The following WDR41 variants were observed in gnomAD, a reference collection of about 807,000 sequenced individuals.
WDR41 encodes the protein WD repeat domain 41.
In WDR41, 63 loss-of-function variants were observed where a neutral mutation model predicts 69.3. The observed-to-expected ratio is 0.91, with a 90% CI of 0.74 to 1.12. The LOEUF is 1.12. Ranked by LOEUF, WDR41 falls within the 50% of genes most tolerant of loss-of-function variation. The pLI is 0.00. For synonymous variants in WDR41, 185 were observed against 192.1 expected, an observed-to-expected ratio of 0.96 and a Z score of 0.31; for missense variants, 543 against 534.5, an observed-to-expected ratio of 1.02 and a Z score of -0.16.
intron 1 of WDR41, among the ~76,000 whole-genome samples, chr5:77,524,385 C>T (rs1372081194): frequency 1.3e-5 from 2 of 152,062 alleles, no homozygotes; most frequent in Non-Finnish European, 2.9e-5. Flanking sequence ...GCCAGGAGTT[C>T]AAGACCAGCC....
chr5:77,468,939 T>C (rs567213787), intron 2 of WDR41, among the ~76,000 whole-genome samples: 7 of 152,274 alleles, frequency 4.6e-5, no homozygotes, highest in African/African-American at 1.7e-4. Flanking sequence ...TTGTTCTCCA[T>C]CTTTTTCTTC....
At chr5:77,604,715 T>C (rs929903001) in intron 1 of WDR41, among the ~76,000 whole-genome samples, 1 of 152,240 alleles carries the variant, frequency 6.6e-6, no homozygotes, top group African/African-American at 2.4e-5. Context: ...ATAATTATAA[T>C]AGGAAAAGAC....
At chr5:77,460,043 T>C (rs930327706) in intron 4 of WDR41, among the ~76,000 whole-genome samples, 6 of 152,014 alleles carry the variant, frequency 3.9e-5, no homozygotes, top group Admixed American at 3.9e-4. Flanking sequence ...CACAGTACAC[T>C]GTAGAGTAAG....
At chr5:77,451,599 T>A (rs932694265) in intron 6 of WDR41, 4 of 396,574 alleles carry the variant, frequency 1.0e-5, no homozygotes, top group Non-Finnish European at 1.4e-5. Flanking sequence ...TTTTGTACTT[T>A]TTTTTACTAT....
At chr5:77,444,324 A>T (rs918158212) in intron 8 of WDR41, among the ~76,000 whole-genome samples, 5 of 152,152 alleles carry the variant, frequency 3.3e-5, no homozygotes, top group Admixed American at 2.0e-4. Context: ...TAGTATGAAA[A>T]TCTCACCTGG....
intron 1 of WDR41, 170 bp downstream of exon 1, chr5:77,492,000 T>C: frequency 1.2e-6 from 1 of 827,908 alleles, no homozygotes; most frequent in Non-Finnish European, 1.8e-6. Flanking sequence ...GAGCTCCGGC[T>C]CCCGCGCCCT....
At chr5:77,576,367 T>C (rs1200650768) in intron 1 of WDR41, among the ~76,000 whole-genome samples, 1 of 152,144 alleles carries the variant, frequency 6.6e-6, no homozygotes, top group Non-Finnish European at 1.5e-5. Flanking sequence ...ATTAAGTTCC[T>C]CAAAATATGG....
At chr5:77,454,636 C>T (rs1451736976) in intron 5 of WDR41, among the ~76,000 whole-genome samples, 2 of 152,124 alleles carry the variant, frequency 1.3e-5, no homozygotes, top group Non-Finnish European at 2.9e-5. Flanking sequence ...AGCCCTTTAC[C>T]TTTAATAGTA....
intron 2 of WDR41, among the ~76,000 whole-genome samples, chr5:77,466,375 G>A (rs1295487518): frequency 5.9e-5 from 9 of 151,782 alleles, no homozygotes; most frequent in African/African-American, 2.2e-4. Flanking sequence ...TTATGTTTCT[G>A]GGCCTATTGA....
chr5:77,476,936 G>A (rs1160091348), intron 2 of WDR41, among the ~76,000 whole-genome samples: 9 of 144,274 alleles, frequency 6.2e-5, no homozygotes, highest in East Asian at 4.0e-4. Context: ...TCCATCTCAC[G>A]TGCAGAGACA....
chr5:77,582,198 A>G (rs1743950988), intron 1 of WDR41, among the ~76,000 whole-genome samples: 1 of 152,224 alleles, frequency 6.6e-6, no homozygotes, highest in African/African-American at 2.4e-5. Context: ...ATCAAAGAAT[A>G]TTATGAACAA....
At chr5:77,561,408 T>G (rs1033795013) in intron 1 of WDR41, among the ~76,000 whole-genome samples, 1 of 152,194 alleles carries the variant, frequency 6.6e-6, no homozygotes, top group Non-Finnish European at 1.5e-5. Flanking sequence ...CTCACAAAAT[T>G]CATGAAGTAG....
chr5:77,566,350 G>A (rs571166827), intron 1 of WDR41, among the ~76,000 whole-genome samples: 6 of 152,168 alleles, frequency 3.9e-5, no homozygotes, highest in South Asian at 4.1e-4. Flanking sequence ...CCTGTATGTC[G>A]TTTAGGTCTC....
At chr5:77,576,707 G>C (rs1743840829) in intron 1 of WDR41, among the ~76,000 whole-genome samples, 1 of 151,664 alleles carries the variant, frequency 6.6e-6, no homozygotes, top group Admixed American at 6.6e-5. Context: ...ACTCTTTCTG[G>C]GCAGTTCCAC....
At chr5:77,565,535 A>G (rs1173953100) in intron 1 of WDR41, among the ~76,000 whole-genome samples, 2 of 152,174 alleles carry the variant, frequency 1.3e-5, no homozygotes, top group Non-Finnish European at 2.9e-5. Context: ...CAATGAGAGT[A>G]GAAAGGACTA....
At chr5:77,511,226 A>G (rs1422616246) in intron 1 of WDR41, among the ~76,000 whole-genome samples, 1 of 152,270 alleles carries the variant, frequency 6.6e-6, no homozygotes, top group Middle Eastern at 3.4e-3. Flanking sequence ...AACAAATACA[A>G]CCAGTTCATT....
intron 1 of WDR41, among the ~76,000 whole-genome samples, chr5:77,573,056 A>G (rs1209650942): frequency 1.3e-5 from 2 of 152,192 alleles, no homozygotes; most frequent in East Asian, 1.9e-4. Context: ...ACATGATGCC[A>G]CAGAGCCACA....
chr5:77,579,231 T>C (rs1204023383), intron 1 of WDR41, among the ~76,000 whole-genome samples: 1 of 151,924 alleles, frequency 6.6e-6, no homozygotes, highest in Non-Finnish European at 1.5e-5. Context: ...AAAGAAAAAA[T>C]ATTAGAAGAA....
At position 77,596,681 on chromosome 5, in the gene WDR41, TACA is replaced by T. The variant is rs528323989; in HGVS notation, c.42+23795_42+23797del. On this transcript the variant is annotated intron_variant, in intron 1 of 5. Transcript: ENST00000509971. The stretch of plus-strand genomic sequence containing the variant: ...CTTCTTTTTCTACTGCCAGCAGAAA[TACA>T]ACAACAACTAGCACAGTTTTGTGCC... 2.3e-3 allele frequency among the ~76,000 whole-genome samples: 356 copies of T among 152,204 alleles called. 1 individual carries two copies. Among genetic ancestry groups the T allele is most frequent in the Non-Finnish European group, 3.8e-3 (257 of 67,990 alleles).
Sources: gnomAD v4.1 joint callset for allele counts (sites outside exome capture counted in the v4.1 genomes callset) on GRCh38, gnomAD v4.1.1 for gene constraint, MANE v1.5 for transcripts, NCBI Gene and HGNC (gene_info 2026-07-23, HGNC 2026-07-21) for gene names.